The following CCSER1 variants were observed in gnomAD, a reference collection of about 807,000 sequenced individuals.
CCSER1 encodes the protein coiled-coil serine rich protein 1, also known as serine-rich coiled-coil domain-containing protein 1.
CCSER1 carries 41 observed loss-of-function variants against 82.0 expected under a neutral mutation model. That is an observed-to-expected ratio of 0.50 (90% CI 0.39 to 0.65). The LOEUF is 0.65. Ranked by LOEUF, CCSER1 falls within the 30% of genes least tolerant of loss-of-function variation. The pLI, the probability that CCSER1 is intolerant of heterozygous loss-of-function variation, is 0.00. For synonymous variants in CCSER1, 414 were observed against 383.9 expected, an observed-to-expected ratio of 1.08 and a Z score of -0.92; for missense variants, 1,119 against 1,064.2, an observed-to-expected ratio of 1.05 and a Z score of -0.72.
At chr4:90,723,229 T>C (rs1254204394) in intron 6 of CCSER1, among the ~76,000 whole-genome samples, 1 of 151,986 alleles carries the variant, frequency 6.6e-6, no homozygotes, top group Non-Finnish European at 1.5e-5. Flanking sequence ...CTAACTGATA[T>C]ATCTTTCTTA....
At position 90,734,288 on chromosome 4, in the gene CCSER1, G is replaced by C. The variant is rs552226041; in HGVS notation, c.2010+10297G>C. ...CTACAGGCTCCCACCACCACGCCCG[G>C]CTAATTTTTTGTATTTTTAGTAGAG... On this transcript the variant is annotated intron_variant, in intron 7 of 10. Transcript: ENST00000509176. Among the ~76,000 whole-genome samples, 16 of 151,918 alleles carry C rather than the reference G, an allele frequency of 1.1e-4. No homozygotes were observed. The East Asian group carries it at 3.1e-3, about 29-fold the overall frequency.
At chr4:91,400,237 CT>C (rs982233153) in intron 10 of CCSER1, among the ~76,000 whole-genome samples, 3 of 151,938 alleles carry the variant, frequency 2.0e-5, no homozygotes, top group African/African-American at 7.2e-5. Flanking sequence ...CATCTATCAG[CT>C]TTTCCTTAAA....
At chr4:90,242,490 A>G (rs1224765060) in intron 1 of CCSER1, among the ~76,000 whole-genome samples, 1 of 152,210 alleles carries the variant, frequency 6.6e-6, no homozygotes, top group East Asian at 1.9e-4. Context: ...ATTTAGAACA[A>G]AAAAGCATAT....
chr4:90,454,192 A>T (rs1480876776), intron 4 of CCSER1, among the ~76,000 whole-genome samples: 1 of 149,752 alleles, frequency 6.7e-6, no homozygotes, highest in African/African-American at 2.5e-5. Flanking sequence ...GCCTGCAAAG[A>T]GTCCATTAGA....
chr4:90,465,901 GT>G (rs1272377720), intron 4 of CCSER1, among the ~76,000 whole-genome samples: 2 of 152,244 alleles, frequency 1.3e-5, no homozygotes, highest in Admixed American at 1.3e-4. Flanking sequence ...TGTAAGTGAA[GT>G]TTTTGCATAT....
At chr4:91,180,885 C>T (rs1261795779) in intron 10 of CCSER1, among the ~76,000 whole-genome samples, 1 of 152,100 alleles carries the variant, frequency 6.6e-6, no homozygotes, top group African/African-American at 2.4e-5. Flanking sequence ...ATTAAATTAA[C>T]TGAAAGTATC....
intron 1 of CCSER1, among the ~76,000 whole-genome samples, chr4:90,158,878 C>T (rs989815357): frequency 2.0e-5 from 3 of 152,112 alleles, no homozygotes; most frequent in Admixed American, 1.3e-4. Flanking sequence ...GGGTGTGCTG[C>T]ACCCACTGTC....
At chr4:90,340,438 T>G (rs1741188585) in intron 3 of CCSER1, among the ~76,000 whole-genome samples, 1 of 152,198 alleles carries the variant, frequency 6.6e-6, no homozygotes, top group Non-Finnish European at 1.5e-5. Context: ...GCTGCACTAT[T>G]ACTCAAATTG....
intron 10 of CCSER1, among the ~76,000 whole-genome samples, chr4:91,219,983 C>T (rs539520985): frequency 4.7e-4 from 72 of 152,140 alleles, no homozygotes; most frequent in East Asian, 1.5e-3. Flanking sequence ...TTACTCAAAA[C>T]GTCATATATA....
At chr4:91,257,453 T>C (rs1346599950) in intron 10 of CCSER1, among the ~76,000 whole-genome samples, 2 of 142,678 alleles carry the variant, frequency 1.4e-5, no homozygotes, top group Non-Finnish European at 1.5e-5. Flanking sequence ...GTGTATTCAG[T>C]AAAGTTGGAA....
At chr4:90,147,854 A>C (rs1726107553) in intron 1 of CCSER1, among the ~76,000 whole-genome samples, 1 of 152,178 alleles carries the variant, frequency 6.6e-6, no homozygotes, top group African/African-American at 2.4e-5. Context: ...GAAGAGTATA[A>C]TTATAACAAT....
At chr4:90,555,724 G>A (rs550989598) in intron 5 of CCSER1, among the ~76,000 whole-genome samples, 1 of 151,952 alleles carries the variant, frequency 6.6e-6, no homozygotes, top group Non-Finnish European at 1.5e-5. Flanking sequence ...ACAAATTGGA[G>A]ACCTATTTAC....
chr4:90,791,588 T>C (rs533746764), intron 7 of CCSER1, among the ~76,000 whole-genome samples: 189 of 151,972 alleles, frequency 1.2e-3, no homozygotes, highest in South Asian at 0.011. Context: ...CAGTGGCTCA[T>C]ACCTGTAATC....
chr4:90,529,301 G>A (rs752310452), intron 5 of CCSER1, among the ~76,000 whole-genome samples: 1 of 152,002 alleles, frequency 6.6e-6, no homozygotes, highest in African/African-American at 2.4e-5. Context: ...TGCAAACTCC[G>A]ACTCTCAGGA....
At chr4:90,643,301 A>G (rs929611636) in intron 6 of CCSER1, among the ~76,000 whole-genome samples, 1 of 152,174 alleles carries the variant, frequency 6.6e-6, no homozygotes, top group East Asian at 1.9e-4. Flanking sequence ...TAGTTCCCAT[A>G]ACACTTTGTT....
At chr4:90,714,021 C>A (rs2149337350) in intron 6 of CCSER1, among the ~76,000 whole-genome samples, 1 of 151,984 alleles carries the variant, frequency 6.6e-6, no homozygotes, top group African/African-American at 2.4e-5. Flanking sequence ...AAGTCTCTTT[C>A]AGTCCCAGTA....
chr4:91,522,091 C>T (rs982497214), intron 10 of CCSER1, among the ~76,000 whole-genome samples: 5 of 152,296 alleles, frequency 3.3e-5, no homozygotes, highest in Middle Eastern at 3.4e-3. Flanking sequence ...TTTCAGCTTT[C>T]TACATATGGC....
intron 7 of CCSER1, among the ~76,000 whole-genome samples, chr4:90,801,405 C>T (rs1280176759): frequency 2.6e-5 from 4 of 152,016 alleles, no homozygotes; most frequent in African/African-American, 9.7e-5. Flanking sequence ...AATGATAAAG[C>T]CTCTGTACAA....
chr4:91,528,764 G>T (rs533155031), intron 10 of CCSER1, among the ~76,000 whole-genome samples: 137 of 152,174 alleles, frequency 9.0e-4, no homozygotes, highest in African/African-American at 3.3e-3. Flanking sequence ...TTTCTTCAGT[G>T]CTGTTTACTT....
Sources: gnomAD v4.1 joint callset for allele counts (sites outside exome capture counted in the v4.1 genomes callset) on GRCh38, gnomAD v4.1.1 for gene constraint, MANE v1.5 for transcripts, NCBI Gene and HGNC (gene_info 2026-07-23, HGNC 2026-07-21) for gene names.